DDAH1: variants seen among roughly 807,000 people sequenced by gnomAD.
The protein encoded by DDAH1 is N(G),N(G)-dimethylarginine dimethylaminohydrolase 1.
In DDAH1, 19 loss-of-function variants were observed where a neutral mutation model predicts 28.8. The observed-to-expected ratio is 0.66, with a 90% CI of 0.46 to 0.97. DDAH1 has a LOEUF of 0.97. Ranked by LOEUF, DDAH1 falls within the 50% of genes least tolerant of loss-of-function variation. The pLI, the probability that DDAH1 is intolerant of heterozygous loss-of-function variation, is 0.00. For synonymous variants in DDAH1, 153 were observed against 154.4 expected (o/e 0.99, Z 0.07); for missense variants, 326 against 375.9 (o/e 0.87, Z 1.10).
chr1:85,438,773 C>G (rs192542307), intron 1 of DDAH1, among the ~76,000 whole-genome samples: 5 of 152,314 alleles, frequency 3.3e-5, no homozygotes, highest in Admixed American at 3.3e-4. Context: ...GGAGGAAGAT[C>G]TATTTTTAAA....
chr1:85,573,638 G>T (rs573003682), intron 1 of DDAH1, among the ~76,000 whole-genome samples: 23 of 152,328 alleles, frequency 1.5e-4, no homozygotes, highest in South Asian at 8.3e-4. Flanking sequence ...CCCTAAAAAA[G>T]TGTTTCCTAT....
intron 1 of DDAH1, among the ~76,000 whole-genome samples, chr1:85,498,588 A>C (rs1239413335): frequency 6.6e-6 from 1 of 152,184 alleles, no homozygotes; most frequent in African/African-American, 2.4e-5. Flanking sequence ...AACAACATAT[A>C]GTTTTCAAGC....
intron 1 of DDAH1, among the ~76,000 whole-genome samples, chr1:85,548,669 C>G (rs1405563314): frequency 6.6e-6 from 1 of 152,130 alleles, no homozygotes; most frequent in African/African-American, 2.4e-5. Flanking sequence ...AGCTCCAAGC[C>G]AGAAATTCTA....
At chr1:85,463,021 T>C (rs931856066) in intron 1 of DDAH1, among the ~76,000 whole-genome samples, 1 of 152,240 alleles carries the variant, frequency 6.6e-6, no homozygotes, top group African/African-American at 2.4e-5. Context: ...ACAGGTATTA[T>C]TATGTCCACT....
intron 1 of DDAH1, among the ~76,000 whole-genome samples, chr1:85,557,418 T>C (rs2100801044): frequency 6.6e-6 from 1 of 152,328 alleles, no homozygotes; most frequent in African/African-American, 2.4e-5. Context: ...GCTTGTGCCA[T>C]CCTCATTTGA....
At chr1:85,561,397 C>G (rs1659137151) in intron 1 of DDAH1, among the ~76,000 whole-genome samples, 2 of 151,828 alleles carry the variant, frequency 1.3e-5, no homozygotes, top group African/African-American at 4.8e-5. Context: ...AAAGAAAAAA[C>G]TACTTGAGAA....
intron 1 of DDAH1, among the ~76,000 whole-genome samples, chr1:85,506,042 C>T (rs769029175): frequency 3.3e-5 from 5 of 152,156 alleles, no homozygotes; most frequent in African/African-American, 4.8e-5. Context: ...GGCTATTAAT[C>T]ATGAGGATTC....
intron 1 of DDAH1, among the ~76,000 whole-genome samples, chr1:85,501,619 A>C (rs1015333117): frequency 6.6e-6 from 1 of 152,202 alleles, no homozygotes; most frequent in Non-Finnish European, 1.5e-5. Flanking sequence ...TCCTCAGAAC[A>C]GTAAAGCAAC....
upstream of DDAH1, chr1:85,465,168 AGGAGCCCAGCTCGCGCCC>A: frequency 8.7e-7 from 1 of 1,146,742 alleles, no homozygotes; most frequent in Middle Eastern, 3.6e-4. Context: ...GTGGTGCAGA[AGGAGCCCAGCTCGCGCCC>A]GGAGCCCTGC....
At chr1:85,341,737 C>T (rs11806483) in intron 4 of DDAH1, among the ~76,000 whole-genome samples, 4,470 of 152,014 alleles carry the variant, frequency 0.029, 222 homozygotes, top group African/African-American at 0.1. Context: ...GGCGTGAACC[C>T]GGGAGGTGGA....
At chr1:85,531,740 A>G (rs536402440) in intron 1 of DDAH1, among the ~76,000 whole-genome samples, 1 of 147,476 alleles carries the variant, frequency 6.8e-6, no homozygotes. Context: ...CGATACGTGT[A>G]TAATGCTTAC....
At chr1:85,397,997 T>A (rs1366653095) in intron 1 of DDAH1, among the ~76,000 whole-genome samples, 4 of 152,064 alleles carry the variant, frequency 2.6e-5, no homozygotes, top group Non-Finnish European at 4.4e-5. Flanking sequence ...CCTCTTTTTT[T>A]TTTTTTTTCA....
intron 1 of DDAH1, among the ~76,000 whole-genome samples, chr1:85,374,514 T>C (rs116361535): frequency 0.011 from 1,740 of 152,222 alleles, 30 homozygotes; most frequent in African/African-American, 0.04. Context: ...CCACTCTCCC[T>C]GGACTTGAAG....
rs563310270 is a variant in DDAH1, at chr1:85,541,794, A to T, written c.-123+36190T>A. On this transcript the variant is annotated intron_variant, in intron 1 of 6. Transcript: ENST00000426972. ...TCAGATTAGGGTCCTGGTAAAAGAG[A>T]CCTCAGAGAGCTCCTTTGCTTCTTC... Among the ~76,000 whole-genome samples the T allele has an allele frequency of 1.2e-3, 187 of 152,248 alleles. 2 individuals carry two copies. Among genetic ancestry groups the T allele is most frequent in the Non-Finnish European group, 2.1e-3 (143 of 68,020 alleles).
At chr1:85,526,809 G>A (rs368787314) in intron 1 of DDAH1, among the ~76,000 whole-genome samples, 5,401 of 147,040 alleles carry the variant, frequency 0.037, 117 homozygotes, top group South Asian at 0.075. Context: ...GTTTGATATC[G>A]ATTTTCCCTG....
intron 1 of DDAH1, among the ~76,000 whole-genome samples, chr1:85,564,400 T>C (rs542539972): frequency 3.3e-5 from 5 of 152,118 alleles, no homozygotes; most frequent in South Asian, 2.1e-4. Flanking sequence ...ACATATGTAA[T>C]TGGAGTCTTT....
chr1:85,325,054 T>A (rs1043014208), intron 4 of DDAH1, among the ~76,000 whole-genome samples, 171 bp from the exon 5 acceptor site: 1 of 152,232 alleles, frequency 6.6e-6, no homozygotes, highest in Non-Finnish European at 1.5e-5. Context: ...AAAACTTGAT[T>A]AAGCTATGAG....
chr1:85,504,961 CTTTTTTTTTTTTTTTTTTTTTTT>C (rs61209793), intron 1 of DDAH1, among the ~76,000 whole-genome samples: 984 of 60,850 alleles, frequency 0.016, 40 homozygotes, highest in African/African-American at 0.068. Flanking sequence ...CTCAATGATT[CTTTTTTTTTTTTTTTTTTTTTTT>C]TTTTTTTTTT....
chr1:85,519,853 T>C (rs1657611297), intron 1 of DDAH1, among the ~76,000 whole-genome samples: 1 of 152,080 alleles, frequency 6.6e-6, no homozygotes, highest in South Asian at 2.1e-4. Context: ...AGAAAGGAAA[T>C]AAATGCATCA....
Sources: gnomAD v4.1 joint callset for allele counts (sites outside exome capture counted in the v4.1 genomes callset) on GRCh38, gnomAD v4.1.1 for gene constraint, MANE v1.5 for transcripts, NCBI Gene and HGNC (gene_info 2026-07-23, HGNC 2026-07-21) for gene names.